Variants in KIF13A observed in about 807,000 individuals in gnomAD.
The protein encoded by KIF13A is kinesin family member 13A.
In KIF13A, 79 loss-of-function variants were observed where a neutral mutation model predicts 212.2. The ratio of observed to expected loss-of-function variants is 0.37; its 90% CI spans 0.31 to 0.45. The LOEUF is 0.45. KIF13A is among the 20% of genes least tolerant of loss of function. KIF13A has a pLI of 1.00. For missense variants in KIF13A, 1,901 were observed against 2,209.0 expected (o/e 0.86, Z 2.79); for synonymous variants, 789 against 808.6 (o/e 0.98, Z 0.41).
intron 17 of KIF13A, chr6:17,812,266 T>G (rs964602137): frequency 6.6e-6 from 1 of 152,144 alleles, no homozygotes; most frequent in Non-Finnish European, 1.5e-5. Context: ...GTTTGATGTA[T>G]GGATTATTTC....
chr6:17,783,125 C>T lies in KIF13A; in HGVS notation c.3544+521G>A, dbSNP rs1002558117. Among the ~76,000 whole-genome samples the T allele has an allele frequency of 3.9e-5, 6 of 152,182 alleles. No homozygotes were observed. The highest frequency in any genetic ancestry group is 2.0e-4 in the Admixed American group (3 of 15,278). ...GCCCACTGCAAACTCAGCAACTCTG[C>T]CGTTGTTTTCTACACATGGGGTTCC... On this transcript the variant is annotated intron_variant, in intron 29 of 38. Transcript: ENST00000259711. This position sits in a 1 kb window ranked among gnomAD's most constrained non-coding sequence, Gnocchi z 4.3.
At chr6:17,833,346 T>G (rs1765625724) in intron 12 of KIF13A, among the ~76,000 whole-genome samples, 1 of 151,542 alleles carries the variant, frequency 6.6e-6, no homozygotes, top group South Asian at 2.1e-4. Flanking sequence ...ATAGATAAAA[T>G]TAGCTGGGCA....
rs760143330 is a variant in KIF13A, at chr6:17,850,292, C to G, written c.717+31G>C. The G allele has an allele frequency of 1.0e-5, 16 of 1,577,896 alleles. No individual in the cohort carries two copies. Among genetic ancestry groups the G allele is most frequent in the Admixed American group, 1.8e-5 (1 of 55,674 alleles). ...TGGACACTTTCAGTTCTTCCACCCC[C>G]ACTCCAAAAAGGTTCTGCCTAATCC... On this transcript the variant is annotated intron_variant, in intron 8 of 38. Coordinates refer to ENST00000259711, the MANE Select transcript of KIF13A (RefSeq NM_022113.6). The surrounding 1 kb of genome is among the most constrained non-coding windows in gnomAD (Gnocchi z 6.2).
At chr6:17,942,812 T>C (rs1021682724) in intron 2 of KIF13A, among the ~76,000 whole-genome samples, 12 of 151,988 alleles carry the variant, frequency 7.9e-5, no homozygotes, top group Non-Finnish European at 1.5e-4. Flanking sequence ...ACCCCATCTC[T>C]ACTAAAAATA....
Position 17,843,333 on chromosome 6 carries a change from GCTGGGCTAAAAACT to G in KIF13A, c.831-5764_831-5751del, listed in dbSNP as rs1227989752. On this transcript the variant is annotated intron_variant, in intron 9 of 38. Transcript: ENST00000259711. This position sits in a 1 kb window ranked among gnomAD's most constrained non-coding sequence, Gnocchi z 5.3. ...ACACTGGTTTTCCTGGAAGCAATGT[GCTGGGCTAAAAACT>G]CTATTTTCCAAAGTCCTCTCTGCAG... is the stretch of plus-strand genomic sequence containing the variant. Among the ~76,000 whole-genome samples the G allele has an allele frequency of 2.6e-5, 4 of 152,222 alleles. No individual in the cohort carries two copies. The highest frequency in any genetic ancestry group is 9.6e-5 in the African/African-American group (4 of 41,470).
intron 2 of KIF13A, among the ~76,000 whole-genome samples, chr6:17,910,453 A>G (rs997528216): frequency 6.6e-6 from 1 of 152,210 alleles, no homozygotes; most frequent in African/African-American, 2.4e-5. Context: ...ATTTTTGAGT[A>G]CCAAAAAGTA....
chr6:17,823,315 A>G (rs567430214), intron 16 of KIF13A, among the ~76,000 whole-genome samples: 32 of 151,718 alleles, frequency 2.1e-4, no homozygotes, highest in African/African-American at 6.5e-4. Flanking sequence ...TACAGGCATT[A>G]GCCACCGTGC....
In KIF13A at chr6:17,809,012, T is replaced by C. The variant is rs944509434; in HGVS notation, c.2001-82A>G. 1.5e-6 allele frequency: 2 copies of C among 1,309,230 alleles called. No homozygotes were observed. The highest frequency in any genetic ancestry group is 1.5e-5 in the African/African-American group (1 of 66,722). The allele number at this position is 1,309,230 out of a possible 1,614,324, so 81.1% of individuals were successfully genotyped here. ...TCTAAGTGAGCATCTTATTAGAAAA[T>C]GGGAGAAAACTCCTCTCGGGCAGTA... On this transcript the variant is annotated intron_variant, in intron 17 of 38. Coordinates refer to ENST00000259711, the MANE Select transcript of KIF13A (RefSeq NM_022113.6). This position sits in a 1 kb window ranked among gnomAD's most constrained non-coding sequence, Gnocchi z 4.7.
At chr6:17,868,144 A>ACAGTTTAGAATCTCT (rs760741380) in intron 4 of KIF13A, among the ~76,000 whole-genome samples, 6 of 152,252 alleles carry the variant, frequency 3.9e-5, no homozygotes, top group Non-Finnish European at 8.8e-5. Context: ...TTCTGAGTCA[A>ACAGTTTAGAATCTCT]CAGTTTAGAA....
At chr6:17,790,035 C>A in intron 25 of KIF13A, 125 bp from the exon 26 acceptor site, 1 of 664,856 alleles carries the variant, frequency 1.5e-6, no homozygotes, top group Non-Finnish European at 2.6e-6. Context: ...CAAAATAAAA[C>A]ACTAAATTGA....
intron 2 of KIF13A, among the ~76,000 whole-genome samples, chr6:17,942,494 T>C (rs1276701213): frequency 6.6e-6 from 1 of 152,164 alleles, no homozygotes; most frequent in Non-Finnish European, 1.5e-5. Flanking sequence ...AATGGGTACC[T>C]ACCTCATAAA....
intron 3 of KIF13A, among the ~76,000 whole-genome samples, chr6:17,882,524 TTG>T (rs1301430678): frequency 3.9e-5 from 6 of 152,128 alleles, no homozygotes; most frequent in African/African-American, 1.4e-4. Context: ...CCCTTTTAAT[TTG>T]TTTCCTTTTA....
rs10686772 is a variant in KIF13A at position 17,785,750 on chromosome 6, C to CAAA, written c.3362-112_3362-110dup. On this transcript the variant is annotated intron_variant, in intron 27 of 38. Transcript: ENST00000259711. This position sits in a 1 kb window ranked among gnomAD's most constrained non-coding sequence, Gnocchi z 5.8. ...CAACATAGTGAGACCCCATCTCTAC[C>CAAA]AAAAAAAAAAAAATAGTTGGGCAGG... is the stretch of plus-strand genomic sequence containing the variant. 7,715 of 859,676 alleles carry CAAA rather than the reference C, an allele frequency of 9.0e-3. 12 individuals are homozygous for CAAA. The highest frequency in any genetic ancestry group is 0.011 in the Non-Finnish European group (6,304 of 582,508). 53.3% of individuals were successfully genotyped at this position (859,676 alleles called of 1,614,324 possible).
chr6:17,979,199 A>AC (rs1265078982), intron 2 of KIF13A, among the ~76,000 whole-genome samples: 1 of 152,182 alleles, frequency 6.6e-6, no homozygotes, highest in Non-Finnish European at 1.5e-5. Flanking sequence ...AGGCTGAGGC[A>AC]CAAGAATCGA....
chr6:17,778,810 G>A, intron 33 of KIF13A, 137 bp downstream of exon 33: 1 of 953,754 alleles, frequency 1.0e-6, no homozygotes. Context: ...TATTTTGCCA[G>A]AGTCCTTTCA....
At position 17,915,790 on chromosome 6, in the gene KIF13A, C is replaced by T. The variant is rs187191928; in HGVS notation, c.147-17610G>A. ...CAGCCTGGGCAACATGACAAAACAC[C>T]GTCTCTACTAAAAAGACAAAAATTA... On this transcript the variant is annotated intron_variant, in intron 2 of 38. Transcript: ENST00000259711. This position sits in a 1 kb window ranked among gnomAD's most constrained non-coding sequence, Gnocchi z 4.4. Among the ~76,000 whole-genome samples the T allele has an allele frequency of 2.2e-4, 33 of 151,982 alleles. No homozygotes were observed. Among genetic ancestry groups the T allele is most frequent in the Admixed American group, 5.9e-4 (9 of 15,260 alleles).
At chr6:17,796,307 T>C (rs1762027016) in intron 23 of KIF13A, among the ~76,000 whole-genome samples, 1 of 143,916 alleles carries the variant, frequency 6.9e-6, no homozygotes, top group African/African-American at 2.6e-5. Flanking sequence ...GTTTTATTTA[T>C]TTATAAATAA....
rs775668702 is a variant in KIF13A at position 17,914,741 on chromosome 6, G to C, written c.147-16561C>G. On this transcript the variant is annotated intron_variant, in intron 2 of 38. Coordinates refer to ENST00000259711, the MANE Select transcript of KIF13A (RefSeq NM_022113.6). The surrounding 1 kb of genome is among the most constrained non-coding windows in gnomAD (Gnocchi z 5.9). Reference sequence around the variant, plus strand: ...AGAGCTCCTGCTGCTAATTGCCATGGCTGCAATTCCCAGTTTGGGCGAGCC... The same window carrying C: ...AGAGCTCCTGCTGCTAATTGCCATGCCTGCAATTCCCAGTTTGGGCGAGCC... 6.6e-5 allele frequency among the ~76,000 whole-genome samples: 10 copies of C among 152,138 alleles called. No homozygotes were observed. Among genetic ancestry groups the C allele is most frequent in the Non-Finnish European group, 1.3e-4 (9 of 68,030 alleles).
rs1271220148 is a variant in KIF13A at position 17,922,621 on chromosome 6, AAAAG to A, written c.147-24445_147-24442del. On this transcript the variant is annotated intron_variant, in intron 2 of 38. Coordinates refer to ENST00000259711, the MANE Select transcript of KIF13A (RefSeq NM_022113.6). ...AAATGAAAAACTTAAAAAAAAAAAAAAAAGAAAGAAATGATAACCATAAAAATCA... is the reference window on the plus strand; with the variant it reads ...AAATGAAAAACTTAAAAAAAAAAAAAAAAGAAATGATAACCATAAAAATCA... Among the ~76,000 whole-genome samples the A allele has an allele frequency of 9.3e-4, 139 of 150,254 alleles. 1 individual carries two copies. Among genetic ancestry groups the A allele is most frequent in the African/African-American group, 3.2e-3 (131 of 41,216 alleles).
Sources: gnomAD v4.1 joint callset for allele counts (sites outside exome capture counted in the v4.1 genomes callset) on GRCh38, gnomAD v4.1.1 for gene constraint, Gnocchi (gnomAD v3.1) non-coding constraint, MANE v1.5 for transcripts, NCBI Gene and HGNC (gene_info 2026-07-23, HGNC 2026-07-21) for gene names.